Variants in SLCO1C1 observed in about 807,000 individuals in gnomAD.
SLCO1C1 encodes the protein solute carrier organic anion transporter family member 1C1, also known as OAT-RP-5.
SLCO1C1 carries 70 observed loss-of-function variants against 76.4 expected under a neutral mutation model. That is an observed-to-expected ratio of 0.92 (90% CI 0.76 to 1.12). The LOEUF is 1.12. Among genes scored for constraint, SLCO1C1 ranks in the 50% most tolerant of loss-of-function variants. The probability of loss-of-function intolerance (pLI) is 0.00; values close to 1 mark genes in which losing one functional copy is unlikely to be tolerated. For synonymous variants in SLCO1C1, 306 were observed against 286.1 expected, an observed-to-expected ratio of 1.07 and a Z score of -0.70; for missense variants, 912 against 823.8, an observed-to-expected ratio of 1.11 and a Z score of -1.31.
chr12:20,720,195 GA>G (rs80202360), intron 7 of SLCO1C1, among the ~76,000 whole-genome samples: 3 of 150,204 alleles, frequency 2.0e-5, no homozygotes. Context: ...TGCTGCTCAG[GA>G]AAAAAAATAT....
In SLCO1C1 at chr12:20,701,424, C is replaced by T. The variant is rs1946520348; in HGVS notation, c.236C>T (p.Ser79Leu). 1 of 1,546,666 alleles carries T rather than the reference C, an allele frequency of 6.5e-7. No individual in the cohort carries two copies. Among genetic ancestry groups the T allele is most frequent in the Non-Finnish European group, 8.8e-7 (1 of 1,131,852 alleles). ...GAGAGAAGGTTTGATATCCCTTCTTCACTGGTGGGAGTTATTGATGGTAGT... is the reference window on the plus strand; with the variant it reads ...GAGAGAAGGTTTGATATCCCTTCTTTACTGGTGGGAGTTATTGATGGTAGT... ...QIERRFDIPS[S>L]LVGVIDGSFE... The change falls in exon 3 of 15, where the codon TCA (serine) becomes TTA (leucine). Residue 79 changes from serine to leucine, a missense_variant. By Grantham distance (145) the Ser-to-Leu change is moderately radical. Coordinates refer to ENST00000266509, the MANE Select transcript of SLCO1C1 (RefSeq NM_017435.5).
intron 12 of SLCO1C1, among the ~76,000 whole-genome samples, chr12:20,741,537 A>G (rs948429978): frequency 2.0e-5 from 3 of 152,304 alleles, no homozygotes; most frequent in Admixed American, 2.0e-4. Context: ...TCAGAATTGT[A>G]TAACAACTAC....
chr12:20,706,095 A>T lies in SLCO1C1; in HGVS notation c.404+14A>T. The stretch of plus-strand genomic sequence containing the variant: ...CTTCATGGAGCAGTAAGTCTAAAGC[A>T]ATCATCTTTTCCTTGCCTTTCCAAA... On this transcript the variant is annotated intron_variant, in intron 4 of 14. Coordinates refer to ENST00000266509, the MANE Select transcript of SLCO1C1 (RefSeq NM_017435.5). The T allele has an allele frequency of 2.5e-6, 4 of 1,589,844 alleles. No homozygotes were observed. The highest frequency in any genetic ancestry group is 3.4e-6 in the Non-Finnish European group (4 of 1,168,516).
intron 13 of SLCO1C1, among the ~76,000 whole-genome samples, chr12:20,747,948 C>T (rs1949124848): frequency 6.6e-6 from 1 of 152,170 alleles, no homozygotes; most frequent in Non-Finnish European, 1.5e-5. Flanking sequence ...ACCCAACTAG[C>T]TTATTTTGAA....
intron 11 of SLCO1C1, among the ~76,000 whole-genome samples, chr12:20,737,727 GGTT>G (rs1948614973): frequency 6.6e-6 from 1 of 152,094 alleles, no homozygotes; most frequent in Admixed American, 6.6e-5. Flanking sequence ...ATAATGAGGA[GGTT>G]GATGGTTCTA....
intron 2 of SLCO1C1, among the ~76,000 whole-genome samples, chr12:20,700,757 T>C (rs1005840236): frequency 1.1e-4 from 17 of 152,066 alleles, no homozygotes; most frequent in African/African-American, 4.1e-4. Context: ...TATCAAAATA[T>C]ATAAGCTAGA....
chr12:20,701,852 G>T (rs73240436), intron 3 of SLCO1C1, among the ~76,000 whole-genome samples: 15,461 of 151,810 alleles, frequency 0.1, 1,880 homozygotes, highest in African/African-American at 0.29. Flanking sequence ...ATCCAAATGC[G>T]CTCTACAAGA....
intron 10 of SLCO1C1, among the ~76,000 whole-genome samples, chr12:20,735,586 T>C (rs1337930895): frequency 6.6e-6 from 1 of 152,170 alleles, no homozygotes; most frequent in South Asian, 2.1e-4. Context: ...GAGAATAGGA[T>C]TAAACATTCC....
intron 1 of SLCO1C1, 120 bp downstream of exon 1, chr12:20,695,927 T>C (rs1445131213): frequency 1.3e-5 from 2 of 152,128 alleles, no homozygotes; most frequent in African/African-American, 4.8e-5. Context: ...TGAAAGGTGA[T>C]GATCCCCTCA....
chr12:20,713,108 C>T (rs1947199956), intron 5 of SLCO1C1, among the ~76,000 whole-genome samples: 2 of 139,756 alleles, frequency 1.4e-5, no homozygotes, highest in African/African-American at 5.5e-5. Context: ...GAGACGGAGT[C>T]TCGCTCTGTC....
chr12:20,710,530 A>G (rs1197513590), intron 4 of SLCO1C1, among the ~76,000 whole-genome samples: 1 of 152,188 alleles, frequency 6.6e-6, no homozygotes, highest in East Asian at 1.9e-4. Context: ...GTGCAAGAGT[A>G]GAGCCGGGGG....
chr12:20,703,512 C>G (rs1158196033), intron 3 of SLCO1C1, among the ~76,000 whole-genome samples: 2 of 151,832 alleles, frequency 1.3e-5, no homozygotes, highest in Non-Finnish European at 2.9e-5. Context: ...GATGCAAATA[C>G]TTTTAAAATT....
intron 7 of SLCO1C1, among the ~76,000 whole-genome samples, chr12:20,720,375 AG>A (rs1217784587): frequency 6.6e-6 from 1 of 152,212 alleles, no homozygotes; most frequent in Non-Finnish European, 1.5e-5. Context: ...TTATTATTTA[AG>A]AAACGTATTT....
intron 4 of SLCO1C1, among the ~76,000 whole-genome samples, chr12:20,710,873 G>GGTGATTTATA (rs1434298022): frequency 7.2e-5 from 11 of 152,064 alleles, no homozygotes; most frequent in Non-Finnish European, 1.5e-4. Flanking sequence ...CCTGGGGGGA[G>GGTGATTTATA]GTGATTTATA....
Position 20,715,120 on chromosome 12 carries a change from G to C in SLCO1C1, c.530-19G>C, listed in dbSNP as rs1355549771. 2 of 1,613,520 alleles carry C rather than the reference G, an allele frequency of 1.2e-6. No homozygotes were observed. Among genetic ancestry groups the C allele is most frequent in the Admixed American group, 3.3e-5 (2 of 59,966 alleles). The stretch of plus-strand genomic sequence containing the variant: ...TAAAGTGATCTATTTTCAATCCTCT[G>C]GTTTGCCTTTCTTTCAAGAATGTGA... On this transcript the variant is annotated intron_variant, in intron 5 of 14. Coordinates refer to ENST00000266509, the MANE Select transcript of SLCO1C1 (RefSeq NM_017435.5).
At chr12:20,732,792 A>G (rs1012411989) in intron 9 of SLCO1C1, 117 bp from the exon 10 acceptor site, 1 of 1,042,396 alleles carries the variant, frequency 9.6e-7, no homozygotes, top group East Asian at 2.6e-5. Flanking sequence ...ATGTCAGTAG[A>G]TGATAGTGAC....
chr12:20,728,077 A>T (rs1948110607), intron 9 of SLCO1C1, among the ~76,000 whole-genome samples: 1 of 152,170 alleles, frequency 6.6e-6, no homozygotes, highest in East Asian at 1.9e-4. Flanking sequence ...ACAAAGACAT[A>T]AATTCTTTGC....
intron 4 of SLCO1C1, 107 bp from the exon 5 acceptor site, chr12:20,711,279 C>T: frequency 7.9e-7 from 1 of 1,270,030 alleles, no homozygotes; most frequent in African/African-American, 1.5e-5. Flanking sequence ...GGTTCAGAGA[C>T]AGCTGCAAGC....
rs77821778 is a variant in SLCO1C1 at position 20,751,266 on chromosome 12, C to T, written c.1916+474C>T. On this transcript the variant is annotated intron_variant, in intron 14 of 14. Transcript: ENST00000266509. Reference sequence around the variant, plus strand: ...TGCCAAACTAATGTTCAATTATTCTCGTACTTGAAATGCATGAAAGTAAAA... The same window carrying T: ...TGCCAAACTAATGTTCAATTATTCTTGTACTTGAAATGCATGAAAGTAAAA... Among the ~76,000 whole-genome samples the T allele has an allele frequency of 5.3e-3, 800 of 152,134 alleles. 9 individuals are homozygous for T. Among genetic ancestry groups the T allele is most frequent in the African/African-American group, 0.018 (766 of 41,526 alleles).
Sources: gnomAD v4.1 joint callset for allele counts (sites outside exome capture counted in the v4.1 genomes callset) on GRCh38, gnomAD v4.1.1 for gene constraint, MANE v1.5 for transcripts, NCBI Gene and HGNC (gene_info 2026-07-23, HGNC 2026-07-21) for gene names.